CNTN3: variants seen among roughly 807,000 people sequenced by gnomAD.
The protein encoded by CNTN3 is contactin-3.
In CNTN3, 60 loss-of-function variants were observed where a neutral mutation model predicts 119.1. That is an observed-to-expected ratio of 0.50 (90% CI 0.41 to 0.62). The LOEUF is 0.62. Among genes scored for constraint, CNTN3 ranks in the 20% least tolerant of loss-of-function variants. The probability of loss-of-function intolerance (pLI) is 0.00; values close to 1 mark genes in which losing one functional copy is unlikely to be tolerated. For synonymous variants in CNTN3, 450 were observed against 438.7 expected (o/e 1.03, Z -0.32); for missense variants, 1,101 against 1,242.4 (o/e 0.89, Z 1.71).
In CNTN3 at chr3:74,271,695, C is replaced by T. The variant is rs115598750; in HGVS notation, c.2705-4317G>A. Among the ~76,000 whole-genome samples, 906 of 152,234 alleles carry T rather than the reference C, an allele frequency of 6.0e-3. 16 individuals are homozygous for T. Among genetic ancestry groups the T allele is most frequent in the African/African-American group, 0.02 (812 of 41,526 alleles). ...TGTTATAACTAGTAGCTAGAAGTTA[C>T]GCTTTGCACTTGGACTTCACTTAAG... On this transcript the variant is annotated intron_variant, in intron 20 of 22. Transcript: ENST00000263665.
chr3:74,365,760 T>C, intron 8 of CNTN3, 58 bp from the exon 9 acceptor site: 4 of 1,540,668 alleles, frequency 2.6e-6, no homozygotes, highest in Non-Finnish European at 3.5e-6. Context: ...AAATAAAATG[T>C]ATTTATTATT....
At chr3:74,305,991 T>C (rs1432337873) in intron 13 of CNTN3, among the ~76,000 whole-genome samples, 1 of 151,970 alleles carries the variant, frequency 6.6e-6, no homozygotes, top group Non-Finnish European at 1.5e-5. Flanking sequence ...GAATTAAACA[T>C]TTAATAATAG....
At position 74,297,977 on chromosome 3, in the gene CNTN3, G is replaced by C; in HGVS notation, c.2381C>G (p.Thr794Arg). The change falls in exon 18 of 23, where the codon ACA (threonine) becomes AGA (arginine). Residue 794 changes from threonine to arginine, a missense_variant. Coordinates refer to ENST00000263665, the MANE Select transcript of CNTN3 (RefSeq NM_020872.3). Reference protein sequence around the residue: ...KGEGPFSPVTTVFSAEEEPTV... With the variant: ...KGEGPFSPVTRVFSAEEEPTV... ...CATACCTTCTTCTGCAGAGAACACT[G>C]TTGTCACTGGGCTAAATGGTCCTTC... 1 of 1,613,250 alleles carries C rather than the reference G, an allele frequency of 6.2e-7. No homozygotes were observed. The highest frequency in any genetic ancestry group is 8.5e-7 in the Non-Finnish European group (1 of 1,179,276).
intron 11 of CNTN3, among the ~76,000 whole-genome samples, chr3:74,355,864 C>T (rs1216495451): frequency 1.3e-5 from 2 of 152,020 alleles, no homozygotes; most frequent in Admixed American, 6.5e-5. Context: ...ATTCGGTATA[C>T]ACTGTCATTG....
intron 5 of CNTN3, among the ~76,000 whole-genome samples, chr3:74,374,647 T>G (rs1486618548): frequency 6.6e-6 from 1 of 151,998 alleles, no homozygotes; most frequent in East Asian, 1.9e-4. Context: ...ACTCTGAGAT[T>G]CCCACTGAAG....
intron 21 of CNTN3, 63 bp from the exon 22 acceptor site, chr3:74,266,712 T>C: frequency 6.8e-7 from 1 of 1,469,856 alleles, no homozygotes; most frequent in Non-Finnish European, 9.4e-7. Flanking sequence ...CTTCATAGAA[T>C]TTGTCTCTCT....
intron 19 of CNTN3, among the ~76,000 whole-genome samples, chr3:74,292,354 T>C (rs6763804): frequency 0.44 from 67,561 of 151,970 alleles, 15,231 homozygotes; most frequent in South Asian, 0.61. Flanking sequence ...CACCTGAGGT[T>C]GAGAGTTAGA....
intron 2 of CNTN3, among the ~76,000 whole-genome samples, chr3:74,513,232 G>C (rs376397590): frequency 7.9e-5 from 12 of 152,172 alleles, no homozygotes; most frequent in African/African-American, 2.9e-4. Flanking sequence ...CAGGATTCAC[G>C]TGCTTTTGGA....
intron 5 of CNTN3, among the ~76,000 whole-genome samples, chr3:74,374,307 T>C (rs898937799): frequency 5.3e-5 from 8 of 151,884 alleles, no homozygotes; most frequent in Non-Finnish European, 1.2e-4. Context: ...ATAAAAAAAC[T>C]TCTCCAGTTT....
chr3:74,573,045 C>T (rs192839533), intron 1 of CNTN3, among the ~76,000 whole-genome samples: 8 of 152,308 alleles, frequency 5.3e-5, no homozygotes, highest in African/African-American at 1.4e-4. Context: ...AGGCAAGCCT[C>T]GGAGAGTAGA....
intron 13 of CNTN3, among the ~76,000 whole-genome samples, chr3:74,321,280 C>G (rs1702981817): frequency 6.6e-6 from 1 of 151,924 alleles, no homozygotes; most frequent in Non-Finnish European, 1.5e-5. Context: ...TAAAATAATA[C>G]TTAAACAAAA....
chr3:74,565,587 C>T (rs1258490044), intron 1 of CNTN3, among the ~76,000 whole-genome samples: 3 of 152,104 alleles, frequency 2.0e-5, no homozygotes, highest in African/African-American at 7.2e-5. Context: ...GACCATTATT[C>T]AACCTACCCC....
chr3:74,433,719 A>T (rs1014790121), intron 4 of CNTN3, among the ~76,000 whole-genome samples: 10 of 152,184 alleles, frequency 6.6e-5, no homozygotes, highest in African/African-American at 2.2e-4. Context: ...CCCCAAGCAC[A>T]AAAATGCTAG....
At chr3:74,394,012 G>C in intron 5 of CNTN3, among the ~76,000 whole-genome samples, 1 of 152,166 alleles carries the variant, frequency 6.6e-6, no homozygotes, top group East Asian at 1.9e-4. Context: ...ATATTGTGCA[G>C]CAGAATAAGA....
rs146150250 is a variant in CNTN3 at position 74,443,835 on chromosome 3, C to T, written c.359-18895G>A. Reference sequence around the variant, plus strand: ...AGAAACTCTTGGTCAAGACACAATACTTAGTGGGTGGTGCATCAGTTTTCC... The same window carrying T: ...AGAAACTCTTGGTCAAGACACAATATTTAGTGGGTGGTGCATCAGTTTTCC... On this transcript the variant is annotated intron_variant, in intron 4 of 22. Coordinates refer to ENST00000263665, the MANE Select transcript of CNTN3 (RefSeq NM_020872.3). Among the ~76,000 whole-genome samples, 382 of 152,180 alleles carry T rather than the reference C, an allele frequency of 2.5e-3. 2 individuals are homozygous for T. Among genetic ancestry groups the T allele is most frequent in the African/African-American group, 8.7e-3 (363 of 41,510 alleles).
intron 5 of CNTN3, among the ~76,000 whole-genome samples, chr3:74,402,319 G>C (rs984154900): frequency 6.6e-6 from 1 of 152,020 alleles, no homozygotes; most frequent in Admixed American, 6.6e-5. Flanking sequence ...GGGATTTAAC[G>C]ATGGGCCATT....
chr3:74,374,243 G>A (rs1429167057), intron 5 of CNTN3, among the ~76,000 whole-genome samples: 2 of 151,648 alleles, frequency 1.3e-5, no homozygotes, highest in Non-Finnish European at 2.9e-5. Context: ...CTCGCAGTCT[G>A]AGGCTCTCTG....
chr3:74,297,452 G>T (rs1271728871), intron 18 of CNTN3, among the ~76,000 whole-genome samples: 1 of 152,132 alleles, frequency 6.6e-6, no homozygotes, highest in Admixed American at 6.6e-5. Context: ...GAATCTGAGG[G>T]CTTTAATATT....
In CNTN3 at chr3:74,476,385, T is replaced by C. The variant is rs142804565; in HGVS notation, c.358+10071A>G. Among the ~76,000 whole-genome samples the C allele has an allele frequency of 2.2e-3, 332 of 152,248 alleles. 1 individual carries two copies. The highest frequency in any genetic ancestry group is 7.9e-3 in the East Asian group (41 of 5,162). ...AAGCGAATATACTAACATAAGACAG[T>C]TCTCACTTTGGTATAGCCCTGAGGT... On this transcript the variant is annotated intron_variant, in intron 4 of 22. Coordinates refer to ENST00000263665, the MANE Select transcript of CNTN3 (RefSeq NM_020872.3).
Sources: gnomAD v4.1 joint callset for allele counts (sites outside exome capture counted in the v4.1 genomes callset) on GRCh38, gnomAD v4.1.1 for gene constraint, MANE v1.5 for transcripts, NCBI Gene and HGNC (gene_info 2026-07-23, HGNC 2026-07-21) for gene names.